Variants in AKR1C2 observed in about 807,000 individuals in gnomAD.
AKR1C2 encodes the protein 3-alpha-HSD3.
Under a neutral mutation model 39.8 loss-of-function variants are expected in AKR1C2, and 27 were observed. That is an observed-to-expected ratio of 0.68 (90% CI 0.50 to 0.93). AKR1C2 has a LOEUF of 0.93. Among genes scored for constraint, AKR1C2 ranks in the 40% least tolerant of loss-of-function variants. The probability of loss-of-function intolerance (pLI) is 0.00; values close to 1 mark genes in which losing one functional copy is unlikely to be tolerated. For synonymous variants in AKR1C2, 114 were observed against 137.9 expected (o/e 0.83, Z 1.22); for missense variants, 263 against 365.1 (o/e 0.72, Z 2.28).
chr10:5,006,782 CCT>C (rs1358061522), upstream of AKR1C2, among the ~76,000 whole-genome samples: 2 of 131,208 alleles, frequency 1.5e-5, no homozygotes, highest in Non-Finnish European at 3.5e-5. Context: ...ATTATTTCAG[CCT>C]CTTTTTTTTT....
intron 7 of AKR1C2, among the ~76,000 whole-genome samples, chr10:4,992,778 C>T (rs538962008): frequency 8.5e-5 from 13 of 152,204 alleles, no homozygotes; most frequent in African/African-American, 1.4e-4. Flanking sequence ...CAGTGAAACC[C>T]GTCTCTACTA....
chr10:4,998,774 A>G, intron 4 of AKR1C2, 27 bp from the exon 5 acceptor site: 1 of 1,613,100 alleles, frequency 6.2e-7, no homozygotes, highest in Non-Finnish European at 8.5e-7. Context: ...GTGAGGTATC[A>G]TTTGTGTAGT....
chr10:4,992,299 A>G (rs1414121328), intron 7 of AKR1C2, among the ~76,000 whole-genome samples: 1 of 152,176 alleles, frequency 6.6e-6, no homozygotes, highest in African/African-American at 2.4e-5. Context: ...TTGAATATCT[A>G]TCTCTCCAAT....
upstream of AKR1C2, chr10:5,006,147 C>A (rs778687303): frequency 2.0e-5 from 3 of 152,114 alleles, no homozygotes; most frequent in African/African-American, 7.2e-5. Context: ...ATTGGATTCC[C>A]AGAAGGGGAA....
intron 1 of AKR1C2, among the ~76,000 whole-genome samples, chr10:5,015,579 C>T (rs1837620614): frequency 6.6e-6 from 1 of 152,176 alleles, no homozygotes; most frequent in Admixed American, 6.5e-5. Context: ...CTGTCAATCC[C>T]ACCCCCAGTG....
chr10:5,017,384 T>C (rs1837664358), intron 1 of AKR1C2, among the ~76,000 whole-genome samples: 1 of 152,244 alleles, frequency 6.6e-6, no homozygotes, highest in South Asian at 2.1e-4. Flanking sequence ...CTTGCTTGCT[T>C]TGATGCTTAG....
rs190796508 is a variant in AKR1C2, at chr10:5,003,247, A to G, written c.84+505T>C. On this transcript the variant is annotated intron_variant, in intron 1 of 8. Coordinates refer to ENST00000380753, the MANE Select transcript of AKR1C2 (RefSeq NM_001393392.1). Reference sequence around the variant, plus strand: ...TAAAATGAGGATATTTTATTATTTCAGGTAATTTTCCCAGAGGTGAGAATA... The same window carrying G: ...TAAAATGAGGATATTTTATTATTTCGGGTAATTTTCCCAGAGGTGAGAATA... Among the ~76,000 whole-genome samples, 69 of 145,912 alleles carry G rather than the reference A, an allele frequency of 4.7e-4. 1 individual carries two copies. The highest frequency in any genetic ancestry group is 8.4e-4 in the Non-Finnish European group (56 of 66,392).
chr10:5,017,862 T>C (rs113627195), intron 1 of AKR1C2: 7,253 of 153,156 alleles, frequency 0.047, 535 homozygotes, highest in African/African-American at 0.16. Flanking sequence ...CTGCAGGCTG[T>C]ACAGAAGGCA....
rs1837273191 is a variant in AKR1C2 at position 5,001,566 on chromosome 10, C to T, written c.200G>A (p.Ser67Asn). The change falls in exon 2 of 9, where the codon AGC becomes AAC. Residue 67 changes from serine to asparagine, a missense_variant. By Grantham distance (46) the Ser-to-Asn change is conservative. Coordinates refer to ENST00000380753, the MANE Select transcript of AKR1C2 (RefSeq NM_001393392.1). ...NEEQVGLAIR[S>N]KIADGSVKRE... ...CTTCACACTGCCATCTGCAATCTTGCTTCGGATGGCCAGTCCAACCTGCTC... is the reference window on the plus strand; with the variant it reads ...CTTCACACTGCCATCTGCAATCTTGTTTCGGATGGCCAGTCCAACCTGCTC... 6.2e-7 allele frequency: 1 copy of T among 1,613,884 alleles called. No homozygotes were observed. The highest frequency in any genetic ancestry group is 1.1e-5 in the South Asian group (1 of 91,064).
chr10:5,006,606 CA>C (rs1251144324), upstream of AKR1C2: 8 of 151,716 alleles, frequency 5.3e-5, no homozygotes, highest in African/African-American at 1.9e-4. Flanking sequence ...AAAAAAACAA[CA>C]ACAAAAATAA....
chr10:5,001,290 C>T (rs1421485330), intron 2 of AKR1C2, among the ~76,000 whole-genome samples: 43 of 152,166 alleles, frequency 2.8e-4, no homozygotes, highest in African/African-American at 1.0e-3. Flanking sequence ...GTGCTGAGCT[C>T]GAAGAGTAAA....
At chr10:5,010,850 A>G (rs1477601772) in intron 1 of AKR1C2, among the ~76,000 whole-genome samples, 1 of 152,188 alleles carries the variant, frequency 6.6e-6, no homozygotes, top group Non-Finnish European at 1.5e-5. Context: ...CTGGAAATAA[A>G]TCAAAGTCTT....
intron 1 of AKR1C2, among the ~76,000 whole-genome samples, chr10:5,016,154 C>CT (rs1457868138): frequency 1.3e-4 from 20 of 152,198 alleles, no homozygotes; most frequent in Non-Finnish European, 1.2e-4. Context: ...GCCCCAGCCC[C>CT]TTCCAAATCT....
chr10:4,992,660 A>T (rs11252870), intron 7 of AKR1C2, among the ~76,000 whole-genome samples: 64,990 of 149,624 alleles, frequency 0.43, 14,973 homozygotes, highest in Non-Finnish European at 0.51. Flanking sequence ...TATTAAAATT[A>T]TCAGTAATTG....
At chr10:5,004,415 C>G (rs1416332534), upstream of AKR1C2, among the ~76,000 whole-genome samples, 1 of 152,080 alleles carries the variant, frequency 6.6e-6, no homozygotes, top group African/African-American at 2.4e-5. Context: ...AGAGAAACAT[C>G]CCTTCCTGAT....
At chr10:5,004,416 C>T (rs1837356002), upstream of AKR1C2, among the ~76,000 whole-genome samples, 1 of 151,972 alleles carries the variant, frequency 6.6e-6, no homozygotes, top group Non-Finnish European at 1.5e-5. Context: ...GAGAAACATC[C>T]CTTCCTGATC....
At chr10:4,995,891 A>G in intron 5 of AKR1C2, 26 bp from the exon 6 acceptor site, 1 of 1,602,196 alleles carries the variant, frequency 6.2e-7, no homozygotes, top group Non-Finnish European at 8.5e-7. Flanking sequence ...ATGGAAAAGC[A>G]TCAGATAATC....
intron 1 of AKR1C2, among the ~76,000 whole-genome samples, chr10:5,017,136 G>C (rs1554775412): frequency 3.3e-5 from 5 of 152,172 alleles, no homozygotes; most frequent in African/African-American, 1.2e-4. Flanking sequence ...AAATACCTTG[G>C]AGGCATTTTT....
At chr10:5,007,768 G>A (rs61856089), upstream of AKR1C2, among the ~76,000 whole-genome samples, 35,859 of 149,438 alleles carry the variant, frequency 0.24, 4,634 homozygotes, top group Middle Eastern at 0.38. Context: ...AATTTCTACC[G>A]GCTATGAGCC....
Sources: allele counts gnomAD v4.1 joint callset (sites outside exome capture counted in the v4.1 genomes callset), GRCh38; gene constraint gnomAD v4.1.1; transcripts MANE v1.5; gene names NCBI Gene and HGNC (gene_info 2026-07-23, HGNC 2026-07-21).